Variants in SSPN observed in about 807,000 individuals in gnomAD.
The protein encoded by SSPN is K-ras oncogene-associated protein.
In SSPN, 15 loss-of-function variants were observed where a neutral mutation model predicts 19.1. The observed-to-expected ratio is 0.78, with a 90% CI of 0.52 to 1.21. The LOEUF is 1.21. Among genes scored for constraint, SSPN ranks in the 50% most tolerant of loss-of-function variants. SSPN has a pLI of 0.00. For synonymous variants in SSPN, 147 were observed against 140.3 expected (o/e 1.05, Z -0.34); for missense variants, 291 against 314.0 (o/e 0.93, Z 0.55).
intron 1 of SSPN, among the ~76,000 whole-genome samples, chr12:26,139,844 C>T (rs1009610205): frequency 6.6e-6 from 1 of 152,036 alleles, no homozygotes. Context: ...TGTGGAGTCC[C>T]AGAATGTTGG....
At chr12:26,184,016 A>G (rs1316304588) in intron 1 of SSPN, among the ~76,000 whole-genome samples, 1 of 152,222 alleles carries the variant, frequency 6.6e-6, no homozygotes, top group Non-Finnish European at 1.5e-5. Context: ...TTCTGCGTGG[A>G]CACCTGAGGA....
intron 1 of SSPN, among the ~76,000 whole-genome samples, chr12:26,184,198 G>T (rs781490487): frequency 3.3e-5 from 5 of 152,168 alleles, no homozygotes; most frequent in Non-Finnish European, 7.3e-5. Context: ...AAAGAGTAAG[G>T]AATTCCTTTT....
At chr12:26,203,492 A>G (rs768964109) in intron 1 of SSPN, among the ~76,000 whole-genome samples, 69 of 152,198 alleles carry the variant, frequency 4.5e-4, no homozygotes, top group Admixed American at 7.8e-4. Flanking sequence ...TAAGCTATAT[A>G]AAAACCTATT....
chr12:26,199,781 G>C (rs1374848590), intron 1 of SSPN, among the ~76,000 whole-genome samples: 1 of 152,208 alleles, frequency 6.6e-6, no homozygotes, highest in Admixed American at 6.5e-5. Context: ...TCCTCATTCA[G>C]TAACATCTGT....
chr12:26,129,773 T>C (rs1400794622), intron 1 of SSPN, among the ~76,000 whole-genome samples: 2 of 152,256 alleles, frequency 1.3e-5, no homozygotes, highest in Non-Finnish European at 2.9e-5. Flanking sequence ...TATGCACTTA[T>C]TAGTCTTTGC....
intron 1 of SSPN, chr12:26,124,105 C>A: frequency 6.2e-7 from 1 of 1,612,662 alleles, no homozygotes; most frequent in Non-Finnish European, 8.5e-7. Flanking sequence ...GTAAATCTTT[C>A]AGCTGAGCAA....
chr12:26,204,163 A>G (rs1227308789), intron 1 of SSPN, among the ~76,000 whole-genome samples: 1 of 152,104 alleles, frequency 6.6e-6, no homozygotes, highest in Non-Finnish European at 1.5e-5. Context: ...TGAAAGCCCT[A>G]CGGCTTTCTT....
intron 1 of SSPN, among the ~76,000 whole-genome samples, chr12:26,129,973 C>T (rs1383794303): frequency 1.3e-5 from 2 of 152,156 alleles, no homozygotes; most frequent in Non-Finnish European, 2.9e-5. Context: ...GCCCAAAGAC[C>T]ACAATAGGAG....
chr12:26,122,193 A>T, intron 1 of SSPN: 1 of 1,444,366 alleles, frequency 6.9e-7, no homozygotes, highest in Non-Finnish European at 9.1e-7. Flanking sequence ...CGGCGCCCCA[A>T]GGGGCGCCAC....
At chr12:26,124,843 G>C (rs1198177581) in intron 1 of SSPN, 2 of 1,526,388 alleles carry the variant, frequency 1.3e-6, no homozygotes, top group Non-Finnish European at 9.1e-7. Context: ...TCTGTGGGAC[G>C]GTAGGCTTGG....
chr12:26,122,778 G>A (rs1223355854), intron 1 of SSPN: 4 of 1,587,010 alleles, frequency 2.5e-6, no homozygotes, highest in Non-Finnish European at 3.4e-6. Context: ...CCGGGCCTCG[G>A]CTTCGCCGCC....
intron 1 of SSPN, among the ~76,000 whole-genome samples, chr12:26,200,125 T>TA: frequency 6.6e-6 from 1 of 152,222 alleles, no homozygotes; most frequent in Admixed American, 6.5e-5. Context: ...CTTTGCCTTA[T>TA]TATGCTTTTT....
At chr12:26,124,742 A>T in intron 1 of SSPN, 1 of 1,614,200 alleles carries the variant, frequency 6.2e-7, no homozygotes, top group South Asian at 1.1e-5. Flanking sequence ...ATGTTCCAGT[A>T]ACTGTCTCTC....
chr12:26,149,866 A>T (rs1944514866), intron 1 of SSPN, among the ~76,000 whole-genome samples: 1 of 152,082 alleles, frequency 6.6e-6, no homozygotes, highest in African/African-American at 2.4e-5. Flanking sequence ...TTTTTTTTTA[A>T]TTTTAATTTT....
upstream of SSPN, among the ~76,000 whole-genome samples, chr12:26,191,215 G>A (rs994184214): frequency 1.3e-5 from 2 of 152,088 alleles, no homozygotes; most frequent in South Asian, 4.1e-4. Flanking sequence ...ATATGCAGTG[G>A]AAAAATCAAA....
Position 26,151,213 on chromosome 12 carries a change from A to G in SSPN, c.-31+29061A>G, listed in dbSNP as rs546439136. Among the ~76,000 whole-genome samples the G allele has an allele frequency of 2.4e-4, 37 of 152,190 alleles. No individual in the cohort carries two copies. In the East Asian group the frequency reaches 6.8e-3, roughly 28 times the overall value. ...TTTCTTGGAAAAAAAAAATTGTGCTATAATGCCAGCATGAGATCAGCTTTT... is the reference window on the plus strand; with the variant it reads ...TTTCTTGGAAAAAAAAAATTGTGCTGTAATGCCAGCATGAGATCAGCTTTT... On this transcript the variant is annotated intron_variant, in intron 1 of 2. Coordinates refer to the SSPN transcript ENST00000538142.
At chr12:26,194,736 C>T (rs989088255), upstream of SSPN, among the ~76,000 whole-genome samples, 1 of 152,168 alleles carries the variant, frequency 6.6e-6, no homozygotes, top group Non-Finnish European at 1.5e-5. Context: ...CCTGTAATTC[C>T]AGCACTTTGG....
intron 1 of SSPN, among the ~76,000 whole-genome samples, chr12:26,141,851 A>G (rs1358393112): frequency 3.3e-5 from 5 of 152,172 alleles, no homozygotes; most frequent in South Asian, 4.1e-4. Flanking sequence ...TGCACAGTCT[A>G]TGGGAGAGAA....
Position 26,150,424 on chromosome 12 carries a change from G to A in SSPN, c.-31+28272G>A, listed in dbSNP as rs1479989390. 2.0e-5 allele frequency among the ~76,000 whole-genome samples: 3 copies of A among 151,990 alleles called. No homozygotes were observed. In the East Asian group the frequency reaches 5.8e-4, roughly 29 times the overall value. On this transcript the variant is annotated intron_variant, in intron 1 of 2. Transcript: ENST00000538142. ...GTTTCACAGACTGATGCTATAAACT[G>A]GTTTAATTATTTTTTTCATTTAAGC... is the stretch of plus-strand genomic sequence containing the variant.
Sources: allele counts gnomAD v4.1 joint callset (sites outside exome capture counted in the v4.1 genomes callset), GRCh38; gene constraint gnomAD v4.1.1; transcripts MANE v1.5; gene names NCBI Gene and HGNC (gene_info 2026-07-23, HGNC 2026-07-21).